The following SBF2 variants were observed in gnomAD, a reference collection of about 807,000 sequenced individuals.
SBF2 encodes SET binding factor 2, also known as myotubularin-related protein 13.
SBF2 carries 112 observed loss-of-function variants against 225.2 expected under a neutral mutation model. The observed-to-expected ratio is 0.50, with a 90% CI of 0.43 to 0.58. The LOEUF (loss-of-function observed/expected upper bound fraction) is 0.58. SBF2 is among the 20% of genes least tolerant of loss of function. The pLI is 0.00. For missense variants in SBF2, 1,996 were observed against 2,206.2 expected (o/e 0.90, Z 1.91); for synonymous variants, 763 against 773.3 (o/e 0.99, Z 0.22).
At position 10,118,898 on chromosome 11, in the gene SBF2, G is replaced by T. The variant is rs184402888; in HGVS notation, c.141+75004C>A. Among the ~76,000 whole-genome samples the T allele has an allele frequency of 1.9e-4, 22 of 115,548 alleles. No homozygotes were observed. In the East Asian group the frequency reaches 5.4e-3, roughly 28 times the overall value. 75.8% of individuals were successfully genotyped at this position (115,548 alleles called of 152,430 possible). The stretch of plus-strand genomic sequence containing the variant: ...TATTCTGCTGATCACCTGAAGTACT[G>T]GAAGAAAAAAAAAAAACAAAACTAA... On this transcript the variant is annotated intron_variant, in intron 2 of 39. Coordinates refer to ENST00000256190, the MANE Select transcript of SBF2 (RefSeq NM_030962.4).
At chr11:9,841,603 G>A (rs934695682) in intron 25 of SBF2, among the ~76,000 whole-genome samples, 19 of 151,758 alleles carry the variant, frequency 1.3e-4, no homozygotes, top group African/African-American at 4.4e-4. Flanking sequence ...TGCAATCTCG[G>A]CTCACTGCAA....
chr11:10,152,473 T>C (rs1955253487), intron 2 of SBF2, among the ~76,000 whole-genome samples: 1 of 151,162 alleles, frequency 6.6e-6, no homozygotes, highest in Non-Finnish European at 1.5e-5. Flanking sequence ...CGCTTGAACC[T>C]GGGGGGCGGA....
intron 1 of SBF2, among the ~76,000 whole-genome samples, chr11:10,249,389 G>A (rs998099135): frequency 2.0e-5 from 3 of 151,798 alleles, no homozygotes; most frequent in East Asian, 1.9e-4. Context: ...TGGCTTTCTC[G>A]AACAAGATTT....
intron 1 of SBF2, among the ~76,000 whole-genome samples, chr11:10,202,602 G>A (rs749460367): frequency 1.3e-5 from 2 of 152,138 alleles, no homozygotes; most frequent in Admixed American, 6.6e-5. Flanking sequence ...TAGCTAACAC[G>A]GTGAAATCCC....
At chr11:9,971,963 T>G (rs1351891301) in intron 13 of SBF2, among the ~76,000 whole-genome samples, 1 of 152,124 alleles carries the variant, frequency 6.6e-6, no homozygotes, top group Non-Finnish European at 1.5e-5. Context: ...AAAACAGGAC[T>G]ATGTGAGAAA....
At chr11:9,959,189 C>T (rs996886467) in intron 16 of SBF2, 41 of 797,434 alleles carry the variant, frequency 5.1e-5, no homozygotes, top group Non-Finnish European at 7.1e-5. Context: ...TCACAGGGTC[C>T]GATTTGGAAT....
At chr11:10,204,240 CA>C (rs200904886) in intron 1 of SBF2, among the ~76,000 whole-genome samples, 1,745 of 90,902 alleles carry the variant, frequency 0.019, 34 homozygotes, top group African/African-American at 0.051. Flanking sequence ...ATACTGAAAG[CA>C]AAAAAAAAAA....
rs765809614 is a variant in SBF2, at chr11:9,785,287, A to T, written c.5069T>A (p.Ile1690Asn). 2 of 1,614,178 alleles carry T rather than the reference A, an allele frequency of 1.2e-6. No homozygotes were observed. Among genetic ancestry groups the T allele is most frequent in the Admixed American group, 3.3e-5 (2 of 60,022 alleles). Reference protein sequence around the residue: ...SQRHLSRSPGIVSTNLPSYQK... With the variant: ...SQRHLSRSPGNVSTNLPSYQK... Reference sequence around the variant, plus strand: ...ATAGGAAGGTAGGTTGGTAGACACAATTCCTGGGGATCTCGACAGGTGTCT... The same window carrying T: ...ATAGGAAGGTAGGTTGGTAGACACATTTCCTGGGGATCTCGACAGGTGTCT... Residue 1690 changes from isoleucine (I) to asparagine (N), a missense_variant, in exon 37 of 40, where the codon ATT becomes AAT. Physicochemically the swap from Ile to Asn is moderately radical, Grantham distance 149. Transcript: ENST00000256190.
chr11:10,282,900 C>T (rs1485349852), intron 1 of SBF2, among the ~76,000 whole-genome samples: 1 of 152,118 alleles, frequency 6.6e-6, no homozygotes. Context: ...AATTGTCAAC[C>T]CACTCAAGCA....
At chr11:10,127,144 C>T (rs889350578) in intron 2 of SBF2, among the ~76,000 whole-genome samples, 1 of 152,018 alleles carries the variant, frequency 6.6e-6, no homozygotes, top group African/African-American at 2.4e-5. Context: ...TGTGAATGTA[C>T]TTAATGCCTC....
intron 2 of SBF2, among the ~76,000 whole-genome samples, chr11:10,171,366 T>A (rs1956180178): frequency 6.6e-6 from 1 of 152,228 alleles, no homozygotes; most frequent in African/African-American, 2.4e-5. Flanking sequence ...TTGAATTTTA[T>A]CAGATGCTTT....
At position 9,970,259 on chromosome 11, in the gene SBF2, G is replaced by A. The variant is rs553509768; in HGVS notation, c.1396-1714C>T. ...TCTTGCTCTGTCGCCCAGGCTGGAG[G>A]GCAGTGGCGTGATCTCGGCTCACTG... On this transcript the variant is annotated intron_variant, in intron 13 of 39. Transcript: ENST00000256190. Among the ~76,000 whole-genome samples the A allele has an allele frequency of 1.5e-4, 22 of 151,458 alleles. No individual in the cohort carries two copies. The South Asian group carries it at 3.3e-3, about 23-fold the overall frequency.
At chr11:9,841,270 C>T (rs1057440278) in intron 25 of SBF2, among the ~76,000 whole-genome samples, 1 of 151,970 alleles carries the variant, frequency 6.6e-6, no homozygotes, top group Non-Finnish European at 1.5e-5. Flanking sequence ...ATAATTTGGT[C>T]TTTTAGTAGA....
At chr11:10,221,539 A>G (rs1767385506) in intron 1 of SBF2, among the ~76,000 whole-genome samples, 1 of 152,218 alleles carries the variant, frequency 6.6e-6, no homozygotes, top group African/African-American at 2.4e-5. Context: ...GCTAGTATCT[A>G]CATTAGGGGG....
chr11:9,963,964 C>T, intron 14 of SBF2, 82 bp from the exon 15 acceptor site: 22 of 832,400 alleles, frequency 2.6e-5, no homozygotes, highest in Non-Finnish European at 2.0e-6. Flanking sequence ...TACTTTAAGA[C>T]TGTAGGTTGG....
At chr11:9,909,318 C>CT (rs139103372) in intron 16 of SBF2, among the ~76,000 whole-genome samples, 30,707 of 148,564 alleles carry the variant, frequency 0.21, 3,975 homozygotes, top group Non-Finnish European at 0.3. Flanking sequence ...TACTTTCTCT[C>CT]TTTTTTTTTT....
At chr11:9,914,475 C>A (rs2134198666) in intron 16 of SBF2, among the ~76,000 whole-genome samples, 1 of 152,300 alleles carries the variant, frequency 6.6e-6, no homozygotes, top group Middle Eastern at 3.4e-3. Context: ...GCTGGCCCAA[C>A]TGGACATCCA....
At chr11:9,994,376 G>A (rs1165644760) in intron 9 of SBF2, among the ~76,000 whole-genome samples, 1 of 151,522 alleles carries the variant, frequency 6.6e-6, no homozygotes, top group African/African-American at 2.4e-5. Flanking sequence ...TTGGGAGGCT[G>A]AGGCAGGAGA....
intron 6 of SBF2, among the ~76,000 whole-genome samples, chr11:10,010,076 C>T (rs1483734763): frequency 6.6e-6 from 1 of 152,186 alleles, no homozygotes; most frequent in African/African-American, 2.4e-5. Context: ...TCATATCTTT[C>T]ACCCACTTTT....
Sources: allele counts gnomAD v4.1 joint callset (sites outside exome capture counted in the v4.1 genomes callset), GRCh38; gene constraint gnomAD v4.1.1; transcripts MANE v1.5; gene names NCBI Gene and HGNC (gene_info 2026-07-23, HGNC 2026-07-21).